The following SEMA6D variants were observed in gnomAD, a reference collection of about 807,000 sequenced individuals.
The protein encoded by SEMA6D is semaphorin 6D, also known as semaphorin-6D.
In SEMA6D, 35 loss-of-function variants were observed where a neutral mutation model predicts 106.6. The observed-to-expected ratio is 0.33, with a 90% CI of 0.25 to 0.44. The LOEUF is 0.44. Ranked by LOEUF, SEMA6D falls within the 20% of genes least tolerant of loss-of-function variation. SEMA6D has a pLI of 1.00. For synonymous variants in SEMA6D, 499 were observed against 487.7 expected, an observed-to-expected ratio of 1.02 and a Z score of -0.31; for missense variants, 1,185 against 1,345.9, an observed-to-expected ratio of 0.88 and a Z score of 1.87.
At chr15:47,366,956 C>G (rs1048112973) in intron 1 of SEMA6D, among the ~76,000 whole-genome samples, 1 of 152,200 alleles carries the variant, frequency 6.6e-6, no homozygotes, top group South Asian at 2.1e-4. Context: ...CAATAAGGCT[C>G]TGTCTTGCTT....
intron 1 of SEMA6D, among the ~76,000 whole-genome samples, chr15:47,361,099 C>T (rs2038787023): frequency 1.3e-5 from 2 of 152,194 alleles, no homozygotes; most frequent in African/African-American, 2.4e-5. Context: ...TTTTCTTCCT[C>T]ACCTTCTCCT....
intron 3 of SEMA6D, among the ~76,000 whole-genome samples, chr15:47,537,528 G>A (rs1411953889): frequency 1.3e-5 from 2 of 152,170 alleles, no homozygotes; most frequent in Non-Finnish European, 2.9e-5. Flanking sequence ...GGCACTGTAA[G>A]TCTTAAAAAG....
At chr15:47,707,506 T>C (rs749104471) in intron 4 of SEMA6D, among the ~76,000 whole-genome samples, 5 of 152,204 alleles carry the variant, frequency 3.3e-5, no homozygotes, top group Middle Eastern at 3.2e-3. Flanking sequence ...TATGATGAAT[T>C]GCCACGTCTG....
chr15:47,287,450 A>G (rs1216897177), intron 1 of SEMA6D, among the ~76,000 whole-genome samples: 1 of 152,162 alleles, frequency 6.6e-6, no homozygotes, highest in Non-Finnish European at 1.5e-5. Flanking sequence ...AGCGCCCTAG[A>G]TTCTAATAAC....
intron 3 of SEMA6D, among the ~76,000 whole-genome samples, chr15:47,497,533 A>T (rs952708745): frequency 4.6e-5 from 7 of 151,644 alleles, no homozygotes; most frequent in Non-Finnish European, 8.8e-5. Context: ...GACTGCCTCT[A>T]CTCCCATAGA....
intron 3 of SEMA6D, among the ~76,000 whole-genome samples, chr15:47,552,891 A>ATTTATATAT (rs2045790546): frequency 2.8e-5 from 1 of 35,294 alleles, no homozygotes; most frequent in Non-Finnish European, 5.0e-5. Context: ...AATATATATA[A>ATTTATATAT]ATATATATAT....
At chr15:47,693,732 A>G (rs8035968) in intron 4 of SEMA6D, among the ~76,000 whole-genome samples, 77,435 of 151,878 alleles carry the variant, frequency 0.51, 19,789 homozygotes, top group South Asian at 0.58. Context: ...GTCAGGAGTT[A>G]GAGACCAACC....
chr15:47,631,801 C>G (rs1177526374), intron 4 of SEMA6D, among the ~76,000 whole-genome samples: 1 of 151,912 alleles, frequency 6.6e-6, no homozygotes, highest in Non-Finnish European at 1.5e-5. Context: ...TTTGAAACCA[C>G]CAAGTTTGTG....
At chr15:47,515,596 C>T (rs951806669) in intron 3 of SEMA6D, among the ~76,000 whole-genome samples, 2 of 152,082 alleles carry the variant, frequency 1.3e-5, no homozygotes, top group African/African-American at 4.8e-5. Flanking sequence ...TTTTTTCCCT[C>T]CCAGAGGAAG....
intron 1 of SEMA6D, among the ~76,000 whole-genome samples, chr15:47,299,664 A>G (rs1161866827): frequency 6.6e-6 from 1 of 152,228 alleles, no homozygotes; most frequent in African/African-American, 2.4e-5. Context: ...GTGTATTGTT[A>G]TTCTTGATGA....
At chr15:47,413,122 G>T (rs1370394979) in intron 2 of SEMA6D, among the ~76,000 whole-genome samples, 3 of 152,156 alleles carry the variant, frequency 2.0e-5, no homozygotes, top group Non-Finnish European at 4.4e-5. Context: ...TCCTCTGTGT[G>T]TATGTGTATT....
rs576815683 is a variant in SEMA6D at position 47,385,968 on chromosome 15, G to A, written c.-238-26425G>A. On this transcript the variant is annotated intron_variant, in intron 1 of 19. Transcript: ENST00000558014. Reference sequence around the variant, plus strand: ...TAACTAGTTGTGCAGCATTGGGCAAGTCATTTAATTTCTCTGGGCTTTAAT... The same window carrying A: ...TAACTAGTTGTGCAGCATTGGGCAAATCATTTAATTTCTCTGGGCTTTAAT... Among the ~76,000 whole-genome samples the A allele has an allele frequency of 3.9e-5, 6 of 152,296 alleles. No homozygotes were observed. The South Asian group carries it at 6.2e-4, about 16-fold the overall frequency.
intron 3 of SEMA6D, among the ~76,000 whole-genome samples, chr15:47,521,950 A>T (rs2141946272): frequency 6.6e-6 from 1 of 151,450 alleles, no homozygotes. Context: ...GCGCCACTGC[A>T]CTCCAGCCTG....
At chr15:47,669,135 C>A (rs979322786) in intron 4 of SEMA6D, among the ~76,000 whole-genome samples, 6 of 152,016 alleles carry the variant, frequency 3.9e-5, no homozygotes, top group Non-Finnish European at 7.4e-5. Context: ...CCATTTCATC[C>A]CTATATGAGC....
intron 2 of SEMA6D, among the ~76,000 whole-genome samples, chr15:47,447,210 ATGATAT>A (rs1271740416): frequency 6.6e-6 from 1 of 152,132 alleles, no homozygotes; most frequent in African/African-American, 2.4e-5. Flanking sequence ...GAAACTGAGT[ATGATAT>A]TGTTTGGAAT....
chr15:47,771,036 C>A lies in SEMA6D; in HGVS notation c.2473C>A (p.Pro825Thr). The change falls in exon 19 of 19, where the codon CCC (proline) becomes ACC (threonine). Residue 825 changes from proline (P) to threonine (T), a missense_variant. Pro to Thr is a conservative substitution (Grantham distance 38). This residue lies in a region of SEMA6D where 750 missense variants were observed against 783.5 expected (regional missense o/e 0.96). Coordinates refer to ENST00000536845, the MANE Select transcript of SEMA6D (RefSeq NM_001358351.3). ...PHSPLSHGHI[P>T]SAIVLPNATH... is the part of the protein sequence containing the mutation. The stretch of plus-strand genomic sequence containing the variant: ...TTCCCCATTAAGTCATGGGCATATC[C>A]CCAGTGCCATTGTTCTTCCAAATGC... The A allele has an allele frequency of 6.2e-7, 1 of 1,614,130 alleles. No homozygotes were observed. Among genetic ancestry groups the A allele is most frequent in the Non-Finnish European group, 8.5e-7 (1 of 1,179,996 alleles).
intron 3 of SEMA6D, among the ~76,000 whole-genome samples, chr15:47,564,389 T>C (rs1454411796): frequency 6.6e-6 from 1 of 152,214 alleles, no homozygotes; most frequent in African/African-American, 2.4e-5. Flanking sequence ...ATTTGTGATG[T>C]GATAAGAATA....
At position 47,768,314 on chromosome 15, in the gene SEMA6D, C is replaced by A. The variant is rs560477394; in HGVS notation, c.1766-267C>A. On this transcript the variant is annotated intron_variant, in intron 17 of 18. Coordinates refer to ENST00000536845, the MANE Select transcript of SEMA6D (RefSeq NM_001358351.3). ...ATTATATTACCTTTTTCATGAGTGTCATTAGTAACCACAGGGGCTTTCCTA... is the reference window on the plus strand; with the variant it reads ...ATTATATTACCTTTTTCATGAGTGTAATTAGTAACCACAGGGGCTTTCCTA... 2.0e-5 allele frequency among the ~76,000 whole-genome samples: 3 copies of A among 152,258 alleles called. No individual in the cohort carries two copies. In the South Asian group the frequency reaches 6.2e-4, roughly 32 times the overall value.
intron 1 of SEMA6D, among the ~76,000 whole-genome samples, chr15:47,315,536 C>G (rs930442331): frequency 1.3e-5 from 2 of 152,162 alleles, no homozygotes; most frequent in Non-Finnish European, 2.9e-5. Flanking sequence ...GGTGTAAGTC[C>G]TCCAATTTTG....
Sources: gnomAD v4.1 joint callset for allele counts (sites outside exome capture counted in the v4.1 genomes callset) on GRCh38, gnomAD v4.1.1 for gene constraint, gnomAD v4.1.1 regional missense constraint, MANE v1.5 for transcripts, NCBI Gene and HGNC (gene_info 2026-07-23, HGNC 2026-07-21) for gene names.